The following U2AF2 variants were observed in gnomAD, a reference collection of about 807,000 sequenced individuals.
The protein encoded by U2AF2 is splicing factor U2AF 65 kDa subunit.
Under a neutral mutation model 52.6 loss-of-function variants are expected in U2AF2, and 6 were observed. The observed-to-expected ratio is 0.11, with a 90% CI of 0.06 to 0.23. U2AF2 has a LOEUF of 0.23. Among genes scored for constraint, U2AF2 ranks in the 10% least tolerant of loss-of-function variants. U2AF2 has a pLI of 1.00. For synonymous variants in U2AF2, 284 were observed against 258.2 expected, an observed-to-expected ratio of 1.10 and a Z score of -0.96; for missense variants, 222 against 677.1, an observed-to-expected ratio of 0.33 and a Z score of 7.46.
At chr19:55,664,044 C>G in intron 7 of U2AF2, 1 of 342,864 alleles carries the variant, frequency 2.9e-6, no homozygotes, top group Non-Finnish European at 5.3e-6. Flanking sequence ...GACCTCGTGC[C>G]TGCGTTGCGG....
At chr19:55,670,451 C>T (rs1600084261) in intron 11 of U2AF2, among the ~76,000 whole-genome samples, 49 of 11,194 alleles carry the variant, frequency 4.4e-3, no homozygotes, top group Middle Eastern at 0.083. Flanking sequence ...CCTGCTGTCC[C>T]GTGCACCCTG....
At chr19:55,666,630 C>T (rs537865567) in intron 7 of U2AF2, among the ~76,000 whole-genome samples, 34 of 152,238 alleles carry the variant, frequency 2.2e-4, no homozygotes, top group Non-Finnish European at 1.6e-4. Context: ...GTGGCTCACA[C>T]GATGGGCACC....
Position 55,668,801 on chromosome 19 carries a change from C to A in U2AF2, c.945+9C>A. Reference sequence around the variant, plus strand: ...TCAACGTCACGGATCAGGTGAGTCCCCGGTCGCTGGCCGCTGCCGCGTCTG... The same window carrying A: ...TCAACGTCACGGATCAGGTGAGTCCACGGTCGCTGGCCGCTGCCGCGTCTG... On this transcript the variant is annotated intron_variant, in intron 9 of 11. Transcript: ENST00000308924. The surrounding 1 kb of genome is among the most constrained non-coding windows in gnomAD (Gnocchi z 5.5). 1 of 1,607,734 alleles carries A rather than the reference C, an allele frequency of 6.2e-7. No individual in the cohort carries two copies. The highest frequency in any genetic ancestry group is 1.7e-4 in the Middle Eastern group (1 of 5,834).
At chr19:55,672,350 T>G (rs1260108157) in intron 11 of U2AF2, among the ~76,000 whole-genome samples, 2 of 152,186 alleles carry the variant, frequency 1.3e-5, no homozygotes, top group African/African-American at 4.8e-5. Context: ...TCCTTTTTCT[T>G]TGCTGGATTA....
In U2AF2 at chr19:55,659,205, C is replaced by T; in HGVS notation, c.50-5C>T. ...TCCCGTGCCCCTCCTCTCACCCTTGCCCAGAGCGGGACAAGGAGAACCGGC... is the reference window on the plus strand; with the variant it reads ...TCCCGTGCCCCTCCTCTCACCCTTGTCCAGAGCGGGACAAGGAGAACCGGC... On this transcript the variant is annotated splice_polypyrimidine_tract_variant and splice_region_variant and intron_variant, in intron 1 of 11. Coordinates refer to ENST00000308924, the MANE Select transcript of U2AF2 (RefSeq NM_007279.3). 6.4e-7 allele frequency: 1 copy of T among 1,568,688 alleles called. No homozygotes were observed. The highest frequency in any genetic ancestry group is 1.4e-5 in the African/African-American group (1 of 72,870).
Position 55,669,066 on chromosome 19 carries a change from T to C in U2AF2, c.946-17T>C. ...ACCTCTCCCCGCACCCCCCGACCCC[T>C]CATCCTCCAAACACAGGCCATTGCG... On this transcript the variant is annotated splice_polypyrimidine_tract_variant and intron_variant, in intron 9 of 11. Coordinates refer to ENST00000308924, the MANE Select transcript of U2AF2 (RefSeq NM_007279.3). 7.3e-7 allele frequency: 1 copy of C among 1,378,552 alleles called. No homozygotes were observed. Among genetic ancestry groups the C allele is most frequent in the Non-Finnish European group, 1.0e-6 (1 of 977,028 alleles). 85.4% of individuals were successfully genotyped at this position (1,378,552 alleles called of 1,614,324 possible). A position where few individuals can be genotyped will look rare whatever the true frequency, so the allele number is the denominator to read the frequency against.
At chr19:55,663,464 A>C (rs962168714) in intron 6 of U2AF2, 142 bp from the exon 7 acceptor site, 15 of 1,284,300 alleles carry the variant, frequency 1.2e-5, no homozygotes, top group Non-Finnish European at 1.5e-5. Context: ...TGTCTGTTGT[A>C]CTCCCAGTGC....
At chr19:55,655,689 C>T (rs1448470719) in intron 1 of U2AF2, among the ~76,000 whole-genome samples, 3 of 152,158 alleles carry the variant, frequency 2.0e-5, no homozygotes, top group Non-Finnish European at 4.4e-5. Flanking sequence ...GCTTGGAGGC[C>T]ACGGGCCCCT....
At chr19:55,655,674 C>T (rs939709215) in intron 1 of U2AF2, among the ~76,000 whole-genome samples, 1 of 152,176 alleles carries the variant, frequency 6.6e-6, no homozygotes, top group African/African-American at 2.4e-5. Context: ...GCCGTTTCGG[C>T]GGATGCTTGG....
intron 2 of U2AF2, among the ~76,000 whole-genome samples, chr19:55,659,877 C>T (rs1984054614): frequency 6.6e-6 from 1 of 152,274 alleles, no homozygotes; most frequent in Non-Finnish European, 1.5e-5. Context: ...TGTTCTCTGC[C>T]TCCTTAGGTG....
chr19:55,659,064 G>A (rs559535937), intron 1 of U2AF2, 146 bp from the exon 2 acceptor site: 4 of 1,274,846 alleles, frequency 3.1e-6, no homozygotes, highest in African/African-American at 3.1e-5. Flanking sequence ...GACCCAGGAG[G>A]CCTGTTAATT....
chr19:55,660,500 C>CA lies in U2AF2; in HGVS notation c.231-16_231-15insA. On this transcript the variant is annotated splice_polypyrimidine_tract_variant and intron_variant, in intron 3 of 11. Transcript: ENST00000308924. ...TGAGGTTGCCCTGCCCCGCTCTCCC[C>CA]TCCCACCTCCCCCAGTCGTTCCCCC... 1 of 1,004,308 alleles carries CA rather than the reference C, an allele frequency of 1.0e-6. No individual in the cohort carries two copies. The highest frequency in any genetic ancestry group is 1.5e-6 in the Non-Finnish European group (1 of 648,858). The allele number at this position is 1,004,308 out of a possible 1,614,324, so 62.2% of individuals were successfully genotyped here.
At position 55,668,809 on chromosome 19, in the gene U2AF2, T is replaced by C; in HGVS notation, c.945+17T>C. 1 of 1,604,148 alleles carries C rather than the reference T, an allele frequency of 6.2e-7. No individual in the cohort carries two copies. Among genetic ancestry groups the C allele is most frequent in the Non-Finnish European group, 8.5e-7 (1 of 1,173,312 alleles). On this transcript the variant is annotated intron_variant, in intron 9 of 11. Transcript: ENST00000308924. This position sits in a 1 kb window ranked among gnomAD's most constrained non-coding sequence, Gnocchi z 5.5. ...ACGGATCAGGTGAGTCCCCGGTCGC[T>C]GGCCGCTGCCGCGTCTGTCCTTCCC... is the stretch of plus-strand genomic sequence containing the variant.
At chr19:55,673,312 C>G (rs138085830) in intron 11 of U2AF2, among the ~76,000 whole-genome samples, 188 of 128,188 alleles carry the variant, frequency 1.5e-3, no homozygotes, top group African/African-American at 4.6e-3. Flanking sequence ...TCCTTTGTAC[C>G]TCACTCCCTC....
Position 55,660,514 on chromosome 19 carries a change from AGT to A in U2AF2, c.231-1_231del. ...CCCGCTCTCCCCTCCCACCTCCCCCAGTCGTTCCCCCCGCCACGAGAAGAAGA... is the reference window on the plus strand; with the variant it reads ...CCCGCTCTCCCCTCCCACCTCCCCCACGTTCCCCCCGCCACGAGAAGAAGA... On this transcript the variant is annotated splice_acceptor_variant and coding_sequence_variant, in exon 4 of 12. Coordinates refer to ENST00000308924, the MANE Select transcript of U2AF2 (RefSeq NM_007279.3). LOFTEE classifies it high-confidence loss of function. 3.3e-6 allele frequency: 1 copy of A among 299,354 alleles called. No individual in the cohort carries two copies. The highest frequency in any genetic ancestry group is 5.1e-6 in the Non-Finnish European group (1 of 195,940). 18.5% of individuals were successfully genotyped at this position (299,354 alleles called of 1,614,324 possible).
chr19:55,660,269 C>A, intron 3 of U2AF2, 48 bp downstream of exon 3: 2 of 1,595,600 alleles, frequency 1.3e-6, no homozygotes, highest in South Asian at 1.1e-5. Context: ...ACTCCCTTCA[C>A]CTTCCTCACG....
At chr19:55,657,492 C>T (rs896016996) in intron 1 of U2AF2, among the ~76,000 whole-genome samples, 5 of 152,190 alleles carry the variant, frequency 3.3e-5, no homozygotes, top group Admixed American at 2.6e-4. Context: ...ATTGCTTTCT[C>T]TGCGTGGGTT....
At chr19:55,667,782 A>T (rs1600081216) in intron 7 of U2AF2, among the ~76,000 whole-genome samples, 1 of 146,174 alleles carries the variant, frequency 6.8e-6, no homozygotes, top group Admixed American at 6.8e-5. Flanking sequence ...GAAGGGACTG[A>T]GCTTTTTTTT....
At chr19:55,661,443 A>G (rs1600074079) in intron 5 of U2AF2, 1 of 471,362 alleles carries the variant, frequency 2.1e-6, no homozygotes, top group South Asian at 3.7e-5. Context: ...AAGCACACAC[A>G]TAATGTACCC....
Sources: allele counts gnomAD v4.1 joint callset (sites outside exome capture counted in the v4.1 genomes callset), GRCh38; gene constraint gnomAD v4.1.1; non-coding constraint Gnocchi (gnomAD v3.1); transcripts MANE v1.5; gene names NCBI Gene and HGNC (gene_info 2026-07-23, HGNC 2026-07-21).